The following FLRT1 variants were observed in gnomAD, a reference collection of about 807,000 sequenced individuals.
FLRT1 encodes the protein leucine-rich repeat transmembrane protein FLRT1.
FLRT1 carries 14 observed loss-of-function variants against 30.9 expected under a neutral mutation model. The ratio of observed to expected loss-of-function variants is 0.45; its 90% CI spans 0.30 to 0.71. The LOEUF is 0.71. Ranked by LOEUF, FLRT1 falls within the 30% of genes least tolerant of loss-of-function variation. The pLI is 0.08. For synonymous variants in FLRT1, 368 were observed against 430.4 expected (o/e 0.85, Z 1.80); for missense variants, 737 against 949.2 (o/e 0.78, Z 2.94).
At chr11:64,097,277 G>A (rs1944593941) in intron 1 of FLRT1, among the ~76,000 whole-genome samples, 1 of 152,258 alleles carries the variant, frequency 6.6e-6, no homozygotes, top group Admixed American at 6.5e-5. Flanking sequence ...GCTACGGTCT[G>A]CGCCCAATTT....
At chr11:64,102,153 A>T (rs1944681511) in intron 1 of FLRT1, among the ~76,000 whole-genome samples, 1 of 152,226 alleles carries the variant, frequency 6.6e-6, no homozygotes, top group South Asian at 2.1e-4. Context: ...TTCAAACCAG[A>T]GTGAGCACTC....
intron 2 of FLRT1, among the ~76,000 whole-genome samples, chr11:64,110,762 T>C (rs1415094510): frequency 6.6e-6 from 1 of 152,162 alleles, no homozygotes; most frequent in Non-Finnish European, 1.5e-5. Flanking sequence ...AGCGATCCCA[T>C]AAAAGATGGG....
rs184127249 is a variant in FLRT1 at position 64,101,704 on chromosome 11, G to A, written c.-1037-1490G>A. Among the ~76,000 whole-genome samples the A allele has an allele frequency of 7.9e-5, 12 of 152,320 alleles. No individual in the cohort carries two copies. In the South Asian group the frequency reaches 8.3e-4, roughly 11 times the overall value. On this transcript the variant is annotated intron_variant, in intron 1 of 2. Transcript: ENST00000682287. ...TGCTAGAGCCGGCCGCCCTCCCGCC[G>A]CGTGCAGGGACTCTGTCCTCATCTT...
intron 1 of FLRT1, chr11:64,060,391 G>C (rs907829348): frequency 6.6e-6 from 1 of 152,262 alleles, no homozygotes; most frequent in Admixed American, 6.5e-5. Context: ...AGAAGGCCTC[G>C]GATTGGTTGT....
At chr11:64,058,265 G>A (rs895437374) in intron 1 of FLRT1, among the ~76,000 whole-genome samples, 2 of 152,238 alleles carry the variant, frequency 1.3e-5, no homozygotes, top group African/African-American at 2.4e-5. Context: ...GGGTGCTCTC[G>A]GATGAGCAGT....
chr11:64,091,408 C>T (rs949188344), intron 1 of FLRT1, among the ~76,000 whole-genome samples: 1 of 125,952 alleles, frequency 7.9e-6, no homozygotes, highest in Non-Finnish European at 1.6e-5. Flanking sequence ...GGTTGGGGGG[C>T]GGGTGGCACC....
chr11:64,117,443 C>T lies in FLRT1; in HGVS notation c.1176C>T (p.Ala392=), dbSNP rs775892492. Residue 392 remains alanine (A), a synonymous_variant, in exon 3 of 3, where the codon GCC becomes GCT. Transcript: ENST00000682287. ...AGGGCGGCGTGGCCAATGCGGCTGC[C>T]AAGACCACGGCCAGCAACCACGCCT... ...GPQGGVANAA[A]KTTASNHASA... 2.5e-6 allele frequency: 4 copies of T among 1,613,048 alleles called. No homozygotes were observed. The highest frequency in any genetic ancestry group is 2.2e-5 in the South Asian group (2 of 91,020).
intron 1 of FLRT1, among the ~76,000 whole-genome samples, chr11:64,070,416 C>G (rs1389832290): frequency 6.6e-6 from 1 of 152,188 alleles, no homozygotes; most frequent in African/African-American, 2.4e-5. Flanking sequence ...CCACGCCTCT[C>G]CAGGAGAGGC....
At chr11:64,063,620 C>T (rs1345874743) in intron 1 of FLRT1, among the ~76,000 whole-genome samples, 1 of 152,176 alleles carries the variant, frequency 6.6e-6, no homozygotes, top group South Asian at 2.1e-4. Context: ...AGGAATGAAA[C>T]CACCTCTGGA....
At chr11:64,071,568 GC>G (rs1944108309) in intron 1 of FLRT1, among the ~76,000 whole-genome samples, 1 of 152,090 alleles carries the variant, frequency 6.6e-6, no homozygotes, top group Non-Finnish European at 1.5e-5. Context: ...GGGAAACCTT[GC>G]CCCTTAGTTT....
intron 1 of FLRT1, among the ~76,000 whole-genome samples, chr11:64,094,661 G>A (rs1018134151): frequency 4.6e-5 from 7 of 152,222 alleles, no homozygotes; most frequent in Admixed American, 2.0e-4. Context: ...GTGTGTGGCT[G>A]CTGCGGGCGG....
At chr11:64,113,798 T>C (rs1310402808) in intron 2 of FLRT1, among the ~76,000 whole-genome samples, 15 of 133,462 alleles carry the variant, frequency 1.1e-4, no homozygotes, top group African/African-American at 4.0e-4. Context: ...GGTGCATGCA[T>C]GATGGATGAA....
chr11:64,041,062 C>T (rs747373462), intron 1 of FLRT1, among the ~76,000 whole-genome samples: 26 of 151,802 alleles, frequency 1.7e-4, no homozygotes, highest in Non-Finnish European at 2.8e-4. Flanking sequence ...ACTGGGGTCA[C>T]GGGGCGCTAG....
intron 1 of FLRT1, among the ~76,000 whole-genome samples, chr11:64,048,206 G>A (rs1394446877): frequency 6.6e-6 from 1 of 152,248 alleles, no homozygotes; most frequent in Non-Finnish European, 1.5e-5. Context: ...GTGAGAGCCG[G>A]GGGCCTTCGA....
chr11:64,079,320 CAG>C (rs771293351), intron 1 of FLRT1, among the ~76,000 whole-genome samples: 3 of 150,942 alleles, frequency 2.0e-5, no homozygotes, highest in Non-Finnish European at 2.9e-5. Flanking sequence ...ATGAGACAGA[CAG>C]GGGTCTGCCC....
At chr11:64,099,446 G>A (rs890492778) in intron 1 of FLRT1, among the ~76,000 whole-genome samples, 1 of 152,228 alleles carries the variant, frequency 6.6e-6, no homozygotes, top group African/African-American at 2.4e-5. Context: ...ATGGAAAGAT[G>A]GAGAAATGGA....
intron 1 of FLRT1, among the ~76,000 whole-genome samples, chr11:64,092,437 C>A (rs910572615): frequency 1.3e-5 from 2 of 152,182 alleles, no homozygotes; most frequent in Non-Finnish European, 2.9e-5. Flanking sequence ...GCTGGTGGGG[C>A]CTCCCAGGGG....
chr11:64,088,589 T>TCTC (rs971804830), intron 1 of FLRT1, among the ~76,000 whole-genome samples: 15 of 148,018 alleles, frequency 1.0e-4, no homozygotes, highest in African/African-American at 3.8e-4. Context: ...GGAGCAGGTC[T>TCTC]CTCCTCCTCC....
chr11:64,044,414 CTAATTTTT>C (rs1299804425), intron 1 of FLRT1, among the ~76,000 whole-genome samples: 2 of 152,032 alleles, frequency 1.3e-5, no homozygotes, highest in Non-Finnish European at 2.9e-5. Flanking sequence ...AACACACTGG[CTAATTTTT>C]TAATTTGGCA....
Sources: allele counts gnomAD v4.1 joint callset (sites outside exome capture counted in the v4.1 genomes callset), GRCh38; gene constraint gnomAD v4.1.1; transcripts MANE v1.5; gene names NCBI Gene and HGNC (gene_info 2026-07-23, HGNC 2026-07-21).